Variants in TTC6 observed in about 807,000 individuals in gnomAD.
TTC6 encodes tetratricopeptide repeat domain 6.
TTC6 carries 172 observed loss-of-function variants against 210.4 expected under a neutral mutation model. The ratio of observed to expected loss-of-function variants is 0.82; its 90% CI spans 0.72 to 0.93. The LOEUF (loss-of-function observed/expected upper bound fraction) is 0.93. Ranked by LOEUF, TTC6 falls within the 40% of genes least tolerant of loss-of-function variation. The pLI is 0.00. For missense variants in TTC6, 2,414 were observed against 2,318.1 expected (o/e 1.04, Z -0.85); for synonymous variants, 804 against 819.6 (o/e 0.98, Z 0.32).
intron 2 of TTC6, among the ~76,000 whole-genome samples, chr14:37,608,324 T>G (rs2095628820): frequency 2.0e-5 from 3 of 152,102 alleles, no homozygotes; most frequent in African/African-American, 4.8e-5. Context: ...TGTTGTTGTT[T>G]TTTGAGACAG....
At chr14:37,811,106 G>A (rs2096128573) in intron 24 of TTC6, among the ~76,000 whole-genome samples, 1 of 152,102 alleles carries the variant, frequency 6.6e-6, no homozygotes, top group Admixed American at 6.5e-5. Flanking sequence ...AAACCTGTGT[G>A]CTCCCATCCC....
In TTC6 at chr14:37,667,032, T is replaced by G. The variant is rs566490197; in HGVS notation, c.940-13119T>G. 2.0e-3 allele frequency among the ~76,000 whole-genome samples: 297 copies of G among 150,738 alleles called. 4 individuals are homozygous for G. Among genetic ancestry groups the G allele is most frequent in the African/African-American group, 7.0e-3 (290 of 41,450 alleles). On this transcript the variant is annotated intron_variant, in intron 1 of 30. Coordinates refer to ENST00000553443, the Ensembl canonical transcript of TTC6. ...TTATTTTTATTTCTTTAACTCATTC[T>G]CTATTATTGGACATTTATTGTATCT... is the stretch of plus-strand genomic sequence containing the variant.
At position 37,688,765 on chromosome 14, in the gene TTC6, C is replaced by T. The variant is rs201360555; in HGVS notation, c.1257+5801C>T. On this transcript the variant is annotated intron_variant, in intron 3 of 30. Coordinates refer to ENST00000553443, the Ensembl canonical transcript of TTC6. ...CAGCATTACTGGGCTTGGGGTCCCCCGCCCTAAAGCAGATACAGCTGAGAT... is the reference window on the plus strand; with the variant it reads ...CAGCATTACTGGGCTTGGGGTCCCCTGCCCTAAAGCAGATACAGCTGAGAT... Among the ~76,000 whole-genome samples the T allele has an allele frequency of 3.0e-4, 45 of 152,266 alleles. No homozygotes were observed. In the East Asian group the frequency reaches 7.6e-3, roughly 26 times the overall value.
At chr14:37,728,857 A>G (rs1177628755) in intron 7 of TTC6, among the ~76,000 whole-genome samples, 1 of 152,220 alleles carries the variant, frequency 6.6e-6, no homozygotes, top group Non-Finnish European at 1.5e-5. Flanking sequence ...TTCAAACAAT[A>G]AAGATGAATA....
intron 7 of TTC6, among the ~76,000 whole-genome samples, chr14:37,734,878 C>G (rs368500703): frequency 1.3e-5 from 2 of 152,052 alleles, no homozygotes; most frequent in African/African-American, 4.8e-5. Context: ...CTATGAAGCA[C>G]GGTACTAAGG....
At chr14:37,622,948 C>T (rs1211387401) in exon 1 of TTC6, 1 of 1,528,788 alleles carries the variant, frequency 6.5e-7, no homozygotes, top group African/African-American at 1.4e-5. Context: ...TCCGACCAGA[C>T]CATCAAAGAG....
At position 37,753,923 on chromosome 14, in the gene TTC6, G is replaced by A. The variant is rs146584477; in HGVS notation, c.3266+688G>A. Among the ~76,000 whole-genome samples the A allele has an allele frequency of 6.4e-3, 973 of 151,544 alleles. 14 individuals are homozygous for A. Among genetic ancestry groups the A allele is most frequent in the African/African-American group, 0.022 (910 of 41,348 alleles). On this transcript the variant is annotated intron_variant, in intron 14 of 30. Coordinates refer to ENST00000553443, the Ensembl canonical transcript of TTC6. ...CCTATTGTATTGTATATTAAACTTC[G>A]TGCATTGTACCGTTTTCATTTGTAC...
chr14:37,748,845 CAAAT>C, intron 10 of TTC6, 90 bp from the exon 13 acceptor site: 7 of 990,416 alleles, frequency 7.1e-6, no homozygotes, highest in Non-Finnish European at 9.8e-6. Context: ...GTTTTGATAA[CAAAT>C]AGTAGTTTTA....
chr14:37,623,065 G>T (rs1271988878), intron 1 of TTC6, 62 bp downstream of exon 3: 17 of 1,204,340 alleles, frequency 1.4e-5, no homozygotes, highest in Non-Finnish European at 1.8e-5. Flanking sequence ...CATTACATAT[G>T]TAAGAGTAGT....
At chr14:37,639,939 C>A (rs1464860578) in intron 1 of TTC6, among the ~76,000 whole-genome samples, 1 of 147,384 alleles carries the variant, frequency 6.8e-6, no homozygotes, top group East Asian at 2.0e-4. Context: ...ATCTATATAT[C>A]TATATATCTT....
intron 29 of TTC6, among the ~76,000 whole-genome samples, chr14:37,832,003 T>C (rs2096186484): frequency 1.3e-5 from 2 of 152,186 alleles, no homozygotes; most frequent in African/African-American, 4.8e-5. Context: ...TCTCGAAAAA[T>C]CTGTGCCATA....
At position 37,827,529 on chromosome 14, in the gene TTC6, A is replaced by C. The variant is rs116404337; in HGVS notation, c.5298+163A>C. 2.4e-3 allele frequency among the ~76,000 whole-genome samples: 359 copies of C among 152,164 alleles called. 3 individuals are homozygous for C. The highest frequency in any genetic ancestry group is 8.3e-3 in the African/African-American group (343 of 41,540). ...TCATAAGAATGTTTATAATTTATCCATTAAATATTTATGCCTCTATGGATT... is the reference window on the plus strand; with the variant it reads ...TCATAAGAATGTTTATAATTTATCCCTTAAATATTTATGCCTCTATGGATT... On this transcript the variant is annotated intron_variant, in intron 29 of 30. Transcript: ENST00000553443.
chr14:37,681,950 G>T (rs2095784797), intron 2 of TTC6, among the ~76,000 whole-genome samples: 1 of 152,146 alleles, frequency 6.6e-6, no homozygotes. Context: ...GTTAGATGGG[G>T]TCATGTAGCT....
At position 37,751,245 on chromosome 14, in the gene TTC6, A is replaced by T. The variant is rs1227304162; in HGVS notation, c.3129+20A>T. ...TCGAAAGTAAGCTTTATCACATATA[A>T]TTCTACCATTTATATAGTTTAGATT... On this transcript the variant is annotated intron_variant, in intron 13 of 30. Transcript: ENST00000553443. 4 of 1,505,442 alleles carry T rather than the reference A, an allele frequency of 2.7e-6. No individual in the cohort carries two copies. The highest frequency in any genetic ancestry group is 3.5e-6 in the Non-Finnish European group (4 of 1,130,602). 93.3% of individuals were successfully genotyped at this position (1,505,442 alleles called of 1,614,324 possible).
exon 1 of TTC6, chr14:37,622,800 G>C: frequency 1.3e-6 from 2 of 1,534,020 alleles, no homozygotes; most frequent in Non-Finnish European, 1.7e-6. Flanking sequence ...GGCGGGGTTA[G>C]GAGCCCAGGG....
intron 10 of TTC6, among the ~76,000 whole-genome samples, chr14:37,744,098 G>T (rs1458696966): frequency 1.3e-5 from 2 of 152,214 alleles, no homozygotes; most frequent in Admixed American, 1.3e-4. Flanking sequence ...TGGAGGGACT[G>T]TAGTTAAATG....
At chr14:37,635,337 A>G (rs1315009785) in intron 1 of TTC6, among the ~76,000 whole-genome samples, 4 of 152,212 alleles carry the variant, frequency 2.6e-5, no homozygotes, top group Non-Finnish European at 5.9e-5. Flanking sequence ...CACTCAAAAA[A>G]CAGTATAGAC....
At chr14:37,619,785 G>A (rs2095648395), upstream of TTC6, among the ~76,000 whole-genome samples, 1 of 141,382 alleles carries the variant, frequency 7.1e-6, no homozygotes, top group South Asian at 2.3e-4. Context: ...TGTCATTTAT[G>A]TTTTCCATTT....
intron 29 of TTC6, among the ~76,000 whole-genome samples, chr14:37,833,806 A>G (rs1311855682): frequency 6.6e-6 from 1 of 151,658 alleles, no homozygotes; most frequent in African/African-American, 2.4e-5. Context: ...TGTATTTTTT[A>G]TGATGGTGGA....
Sources: gnomAD v4.1 joint callset for allele counts (sites outside exome capture counted in the v4.1 genomes callset) on GRCh38, gnomAD v4.1.1 for gene constraint, MANE v1.5 for transcripts, NCBI Gene and HGNC (gene_info 2026-07-23, HGNC 2026-07-21) for gene names.